The following TBL1X variants were observed in gnomAD, a reference collection of about 807,000 sequenced individuals.
The protein encoded by TBL1X is transducin beta like 1 X-linked.
A neutral mutation model predicts 50.7 loss-of-function variants in TBL1X; 10 were observed. That is an observed-to-expected ratio of 0.20 (90% CI 0.12 to 0.33). The LOEUF is 0.33. TBL1X is among the 10% of genes least tolerant of loss of function. The pLI is 1.00. For missense variants in TBL1X, 340 were observed against 504.4 expected (o/e 0.67, Z 3.12); for synonymous variants, 190 against 214.7 (o/e 0.88, Z 1.01).
At chrX:9,691,429 C>A in intron 7 of TBL1X, 150 bp from the exon 8 acceptor site, 2 of 569,670 alleles carry the variant, frequency 3.5e-6, no homozygotes, top group Non-Finnish European at 5.0e-6. Flanking sequence ...GAGCAAGATT[C>A]CGTCTCAAAA....
At chrX:9,541,562 A>G (rs764271790) in intron 2 of TBL1X, among the ~76,000 whole-genome samples, 2 of 112,872 alleles carry the variant, frequency 1.8e-5, no homozygotes, top group Non-Finnish European at 3.7e-5. Flanking sequence ...TTGCTGTGTC[A>G]GGAACGACTG....
intron 1 of TBL1X, among the ~76,000 whole-genome samples, chrX:9,472,706 G>A (rs150988972): frequency 0.015 from 1,651 of 110,407 alleles, 31 homozygotes; most frequent in African/African-American, 0.051. Flanking sequence ...GAGGTCAGGA[G>A]ATCGAGACCA....
intron 2 of TBL1X, among the ~76,000 whole-genome samples, chrX:9,521,534 A>C (rs1442262455): frequency 8.9e-6 from 1 of 111,996 alleles, no homozygotes; most frequent in African/African-American, 3.2e-5. Flanking sequence ...TGAACTCATT[A>C]CAGTCATCGC....
Position 9,706,816 on chromosome X carries a change from C to T in TBL1X, c.1236+1702C>T, listed in dbSNP as rs763114562. On this transcript the variant is annotated intron_variant, in intron 13 of 17. Coordinates refer to ENST00000645353, the MANE Select transcript of TBL1X (RefSeq NM_005647.4). ...TCCTAAAGACACGTGCAGCCAAGCA[C>T]CTTGCCCCGCGCTGAGCCCTGCCTG... Among the ~76,000 whole-genome samples, 16 of 111,436 alleles carry T rather than the reference C, an allele frequency of 1.4e-4. No homozygotes were observed. In the South Asian group the frequency reaches 6.2e-3, roughly 43 times the overall value.
intron 16 of TBL1X, among the ~76,000 whole-genome samples, chrX:9,714,555 C>T (rs1015117771): frequency 1.8e-5 from 2 of 111,792 alleles, no homozygotes; most frequent in African/African-American, 6.5e-5. Flanking sequence ...AAGTTTTGGT[C>T]GTGCTGATGG....
intron 2 of TBL1X, among the ~76,000 whole-genome samples, chrX:9,585,928 A>G (rs761496528): frequency 8.9e-6 from 1 of 111,985 alleles, no homozygotes; most frequent in Admixed American, 9.4e-5. Flanking sequence ...CAATTTCGTC[A>G]TCTTAAAAAT....
chrX:9,636,862 T>G (rs1382358738), intron 2 of TBL1X: 1 of 112,337 alleles, frequency 8.9e-6, no homozygotes, highest in Non-Finnish European at 1.9e-5. Flanking sequence ...TATAGTTGAA[T>G]GGGAACAAAC....
intron 12 of TBL1X, among the ~76,000 whole-genome samples, chrX:9,700,002 C>T (rs7880094): frequency 0.017 from 1,858 of 112,219 alleles, 36 homozygotes; most frequent in African/African-American, 0.057. Flanking sequence ...TGTTCTTCAC[C>T]CCAAAGGGAA....
At chrX:9,485,375 C>G (rs149203542) in intron 1 of TBL1X, among the ~76,000 whole-genome samples, 47 of 112,490 alleles carry the variant, frequency 4.2e-4, no homozygotes, top group African/African-American at 1.4e-3. Context: ...TTTGAAGCAT[C>G]AAGCTCGCAT....
chrX:9,692,083 A>G, intron 8 of TBL1X, 30 bp from the exon 9 acceptor site: 2 of 1,211,302 alleles, frequency 1.7e-6, no homozygotes, highest in Non-Finnish European at 2.2e-6. Flanking sequence ...TGAACCAAAC[A>G]CCAGAGGCTC....
At chrX:9,586,565 G>A (rs185248906) in intron 2 of TBL1X, among the ~76,000 whole-genome samples, 84 of 112,006 alleles carry the variant, frequency 7.5e-4, no homozygotes, top group African/African-American at 2.6e-3. Flanking sequence ...GAGATTGGTT[G>A]CACAGCATTG....
chrX:9,704,562 C>T (rs2083195347), intron 12 of TBL1X, among the ~76,000 whole-genome samples: 3 of 111,539 alleles, frequency 2.7e-5, no homozygotes, highest in East Asian at 2.8e-4. Context: ...ACTGTGTTCA[C>T]GCTTGAGACG....
chrX:9,647,807 G>T (rs947897321), intron 3 of TBL1X, among the ~76,000 whole-genome samples: 1 of 111,297 alleles, frequency 9.0e-6, no homozygotes. Context: ...GAGCCAGGAC[G>T]AGGAGTCGAG....
chrX:9,552,629 C>T (rs1031458953), intron 2 of TBL1X, among the ~76,000 whole-genome samples: 2 of 112,003 alleles, frequency 1.8e-5, no homozygotes, highest in African/African-American at 3.3e-5. Flanking sequence ...TGGTCAAAGT[C>T]GTTGCAAGAA....
At chrX:9,532,833 G>A (rs1009243860) in intron 2 of TBL1X, among the ~76,000 whole-genome samples, 1 of 111,292 alleles carries the variant, frequency 9.0e-6, no homozygotes, top group African/African-American at 3.3e-5. Context: ...CTCTTGAATG[G>A]CCCTAACTCC....
chrX:9,528,220 T>G (rs751247169), intron 2 of TBL1X, among the ~76,000 whole-genome samples: 1 of 111,983 alleles, frequency 8.9e-6, no homozygotes, highest in Admixed American at 9.5e-5. Context: ...CTGAGGTGCC[T>G]CATGTCAGTG....
chrX:9,642,738 C>T (rs941882641), intron 3 of TBL1X, among the ~76,000 whole-genome samples: 8 of 112,393 alleles, frequency 7.1e-5, no homozygotes, highest in African/African-American at 9.7e-5. Flanking sequence ...GCTTAGGCTT[C>T]GCGGGCCAGG....
chrX:9,571,121 T>C (rs1256586184), intron 2 of TBL1X, among the ~76,000 whole-genome samples: 1 of 112,002 alleles, frequency 8.9e-6, no homozygotes, highest in Non-Finnish European at 1.9e-5. Context: ...TTCTGGAGGC[T>C]GGAAGTCCAA....
At chrX:9,485,293 A>AC (rs1227040354) in intron 1 of TBL1X, among the ~76,000 whole-genome samples, 3 of 112,270 alleles carry the variant, frequency 2.7e-5, no homozygotes, top group Non-Finnish European at 5.6e-5. Flanking sequence ...AAATTATGAT[A>AC]GTTAATCGTT....
Sources: allele counts gnomAD v4.1 joint callset (sites outside exome capture counted in the v4.1 genomes callset), GRCh38; gene constraint gnomAD v4.1.1; transcripts MANE v1.5; gene names NCBI Gene and HGNC (gene_info 2026-07-23, HGNC 2026-07-21).